PCDHGA6: variants seen among roughly 807,000 people sequenced by gnomAD.
The protein encoded by PCDHGA6 is protocadherin gamma-A6.
PCDHGA6 carries 41 observed loss-of-function variants against 60.6 expected under a neutral mutation model. That is an observed-to-expected ratio of 0.68 (90% CI 0.53 to 0.88). The LOEUF (loss-of-function observed/expected upper bound fraction) is 0.88, where lower values mean the gene tolerates loss of function less well. Among genes scored for constraint, PCDHGA6 ranks in the 40% least tolerant of loss-of-function variants. PCDHGA6 has a pLI of 0.00. For missense variants in PCDHGA6, 1,312 were observed against 1,203.0 expected (o/e 1.09, Z -1.34); for synonymous variants, 594 against 524.4 (o/e 1.13, Z -1.81).
At chr5:141,385,452 G>C in intron 1 of PCDHGA6, 2 of 1,446,532 alleles carry the variant, frequency 1.4e-6, no homozygotes, top group Non-Finnish European at 1.8e-6. Context: ...GAGTTTACCA[G>C]TTTCCTTCAG....
rs750383085 is a variant in PCDHGA6, at chr5:141,376,027, C to A, written c.1944C>A (p.Asp648Glu). ...AGAGCCTAGTGGTGGCCGTCCAGGA[C>A]CACGGCCAGCCCCCTCTCTCCGCCA... is the stretch of plus-strand genomic sequence containing the variant. ...LKQSLVVAVQ[D>E]HGQPPLSATV... The change falls in exon 1 of 4, where the codon GAC becomes GAA. Residue 648 changes from aspartate (D) to glutamate (E), a missense_variant. Coordinates refer to ENST00000517434, the MANE Select transcript of PCDHGA6 (RefSeq NM_018919.3). 1.9e-5 allele frequency: 30 copies of A among 1,613,250 alleles called. No individual in the cohort carries two copies. Among genetic ancestry groups the A allele is most frequent in the Non-Finnish European group, 2.5e-5 (29 of 1,179,880 alleles).
rs2154586601 is a variant in PCDHGA6, at chr5:141,491,555, A to G, written c.2425-3252A>G. The G allele has an allele frequency of 6.2e-7, 1 of 1,613,986 alleles. No homozygotes were observed. The highest frequency in any genetic ancestry group is 2.2e-5 in the East Asian group (1 of 44,862). ...CTGCGGCCCACAGACTCGCAGAGCC[A>G]CTGCTACAGGACGTGCTTTTCACCG... On this transcript the variant is annotated intron_variant, in intron 1 of 3. Transcript: ENST00000517434. This position sits in a 1 kb window ranked among gnomAD's most constrained non-coding sequence, Gnocchi z 6.9.
At position 141,501,290 on chromosome 5, in the gene PCDHGA6, TACACACACACAC is replaced by T. The variant is rs55762287; in HGVS notation, c.2484-4070_2484-4059del. Among the ~76,000 whole-genome samples, 15 of 136,248 alleles carry T rather than the reference TACACACACACAC, an allele frequency of 1.1e-4. No homozygotes were observed. The South Asian group carries it at 1.2e-3, about 11-fold the overall frequency. The allele number at this position is 136,248 out of a possible 152,430, so 89.4% of individuals were successfully genotyped here. A position where few individuals can be genotyped will look rare whatever the true frequency, so the allele number is the denominator to read the frequency against. ...GTCCAGTCTATGGGATATTCCCTTA[TACACACACACAC>T]ACACACACACACACACACACACACA... On this transcript the variant is annotated intron_variant, in intron 2 of 3. Transcript: ENST00000517434.
At chr5:141,397,195 G>T (rs2093485269) in intron 1 of PCDHGA6, among the ~76,000 whole-genome samples, 1 of 152,150 alleles carries the variant, frequency 6.6e-6, no homozygotes, top group Non-Finnish European at 1.5e-5. Context: ...TACTGTAAAA[G>T]ATATGACATA....
intron 1 of PCDHGA6, chr5:141,389,554 C>T: frequency 1.2e-6 from 2 of 1,613,184 alleles, no homozygotes; most frequent in South Asian, 1.1e-5. Context: ...AACGACAATG[C>T]GCCACGGGTG....
intron 3 of PCDHGA6, among the ~76,000 whole-genome samples, chr5:141,509,596 G>A (rs538867815): frequency 1.3e-5 from 2 of 152,258 alleles, no homozygotes; most frequent in Admixed American, 6.5e-5. Context: ...TGGCAATTCC[G>A]AGAGGCTGCA....
chr5:141,387,810 A>G (rs2091099710), intron 1 of PCDHGA6: 1 of 1,525,916 alleles, frequency 6.6e-7, no homozygotes. Context: ...TCGGAGATCC[A>G]AAAATCTGCA....
chr5:141,392,809 CA>C, intron 1 of PCDHGA6: 1 of 1,578,772 alleles, frequency 6.3e-7, no homozygotes, highest in Non-Finnish European at 8.6e-7. Flanking sequence ...TGCAGCAAAA[CA>C]ACAATGGCCG....
At chr5:141,404,815 G>A in intron 1 of PCDHGA6, 2 of 1,610,532 alleles carry the variant, frequency 1.2e-6, no homozygotes, top group South Asian at 1.1e-5. Flanking sequence ...CGGTGGGGCT[G>A]CACACAGGTG....
chr5:141,444,965 A>C (rs561160996), intron 1 of PCDHGA6, among the ~76,000 whole-genome samples: 18 of 152,234 alleles, frequency 1.2e-4, no homozygotes, highest in South Asian at 6.2e-4. Context: ...CAATATTGAC[A>C]CTTCAAATCC....
intron 1 of PCDHGA6, chr5:141,468,330 C>CAAAAAAAAA (rs533390277): frequency 1.3e-5 from 1 of 79,886 alleles, no homozygotes; most frequent in African/African-American, 3.9e-5. Context: ...AACTCCATCT[C>CAAAAAAAAA]AAAAAAAAAA....
intron 1 of PCDHGA6, among the ~76,000 whole-genome samples, chr5:141,449,921 C>T (rs2098659300): frequency 6.6e-6 from 1 of 151,648 alleles, no homozygotes; most frequent in African/African-American, 2.4e-5. Flanking sequence ...TTAAATTCTA[C>T]CATACCTTAT....
Position 141,511,040 on chromosome 5 carries a change from C to T in PCDHGA6, c.2666C>T (p.Pro889Leu), listed in dbSNP as rs770767470. The T allele has an allele frequency of 6.2e-7, 1 of 1,614,216 alleles. No individual in the cohort carries two copies. The highest frequency in any genetic ancestry group is 1.7e-5 in the Admixed American group (1 of 60,034). Reference protein sequence around the residue: ...YGPQFTLQHVPDYRQNVYIPG... With the variant: ...YGPQFTLQHVLDYRQNVYIPG... ...CCCCAGTTCACCCTGCAGCACGTGC[C>T]CGACTACCGCCAGAATGTCTACATC... Residue 889 changes from proline (P) to leucine (L), a missense_variant, in exon 4 of 4, where the codon CCC becomes CTC. Physicochemically the swap from Pro to Leu is moderately conservative, Grantham distance 98. Transcript: ENST00000517434.
intron 1 of PCDHGA6, among the ~76,000 whole-genome samples, chr5:141,406,298 T>G (rs2154537368): frequency 6.6e-6 from 1 of 152,178 alleles, no homozygotes; most frequent in East Asian, 1.9e-4. Flanking sequence ...GGGTGAGGTG[T>G]GAACCACCTC....
intron 1 of PCDHGA6, among the ~76,000 whole-genome samples, chr5:141,465,879 T>C (rs979784878): frequency 6.6e-6 from 1 of 152,062 alleles, no homozygotes; most frequent in African/African-American, 2.4e-5. Context: ...TCCCAGCACT[T>C]TGGGAGGCCG....
chr5:141,476,564 C>G lies in PCDHGA6; in HGVS notation c.2425-18243C>G, dbSNP rs2099393821. 1.2e-6 allele frequency: 2 copies of G among 1,614,196 alleles called. No individual in the cohort carries two copies. Among genetic ancestry groups the G allele is most frequent in the South Asian group, 1.1e-5 (1 of 91,086 alleles). ...ATTGGAGATTAGCGAGGCCGTGGCT[C>G]CGGGGACGCGCTTTCCGCTCGAGAG... On this transcript the variant is annotated intron_variant, in intron 1 of 3. Coordinates refer to ENST00000517434, the MANE Select transcript of PCDHGA6 (RefSeq NM_018919.3). This position sits in a 1 kb window ranked among gnomAD's most constrained non-coding sequence, Gnocchi z 7.6.
At chr5:141,411,951 G>A (rs1589812278) in intron 1 of PCDHGA6, 1 of 152,252 alleles carries the variant, frequency 6.6e-6, no homozygotes, top group African/African-American at 2.4e-5. Context: ...GATTTTTGAA[G>A]AAAAAAGATA....
intron 3 of PCDHGA6, among the ~76,000 whole-genome samples, chr5:141,506,682 C>A (rs1333272766): frequency 6.6e-6 from 1 of 152,192 alleles, no homozygotes; most frequent in East Asian, 1.9e-4. Context: ...ATATTATTAT[C>A]TTTGCTGACC....
chr5:141,432,413 G>C lies in PCDHGA6; in HGVS notation c.2424+55906G>C, dbSNP rs369816901. 9 of 1,614,114 alleles carry C rather than the reference G, an allele frequency of 5.6e-6. No homozygotes were observed. The highest frequency in any genetic ancestry group is 1.3e-5 in the African/African-American group (1 of 74,946). ...CAGCAACGTGTCGTTGAGCCTGTTCGTGCTGGACCAGAACGACAATGCGCC... is the reference window on the plus strand; with the variant it reads ...CAGCAACGTGTCGTTGAGCCTGTTCCTGCTGGACCAGAACGACAATGCGCC... On this transcript the variant is annotated intron_variant, in intron 1 of 3. Coordinates refer to ENST00000517434, the MANE Select transcript of PCDHGA6 (RefSeq NM_018919.3). This position sits in a 1 kb window ranked among gnomAD's most constrained non-coding sequence, Gnocchi z 6.0.
Sources: gnomAD v4.1 joint callset for allele counts (sites outside exome capture counted in the v4.1 genomes callset) on GRCh38, gnomAD v4.1.1 for gene constraint, Gnocchi (gnomAD v3.1) non-coding constraint, MANE v1.5 for transcripts, NCBI Gene and HGNC (gene_info 2026-07-23, HGNC 2026-07-21) for gene names.